SOCS5: variants seen among roughly 807,000 people sequenced by gnomAD.
The protein encoded by SOCS5 is suppressor of cytokine signaling 5.
SOCS5 carries 32 observed loss-of-function variants against 42.8 expected under a neutral mutation model. That is an observed-to-expected ratio of 0.75 (90% CI 0.56 to 1.01). The LOEUF (loss-of-function observed/expected upper bound fraction) is 1.01, where lower values mean the gene tolerates loss of function less well. SOCS5 is among the 50% of genes least tolerant of loss of function. The probability of loss-of-function intolerance (pLI) is 0.00; values close to 1 mark genes in which losing one functional copy is unlikely to be tolerated. For missense variants in SOCS5, 627 were observed against 653.0 expected (o/e 0.96, Z 0.43); for synonymous variants, 283 against 229.6 (o/e 1.23, Z -2.10).
chr2:46,707,159 G>A (rs192453428), intron 1 of SOCS5, among the ~76,000 whole-genome samples: 14 of 152,226 alleles, frequency 9.2e-5, no homozygotes, highest in African/African-American at 3.4e-4. Flanking sequence ...GGACAAATGT[G>A]GAGAAAGTTG....
intron 1 of SOCS5, among the ~76,000 whole-genome samples, chr2:46,753,229 T>G (rs572115047): frequency 8.7e-4 from 133 of 152,310 alleles, no homozygotes; most frequent in South Asian, 1.7e-3. Flanking sequence ...TCCTTCAGGA[T>G]AAAATTTTGA....
chr2:46,721,667 A>G (rs566742177), intron 1 of SOCS5, among the ~76,000 whole-genome samples: 2 of 152,328 alleles, frequency 1.3e-5, no homozygotes, highest in East Asian at 3.8e-4. Context: ...TGGTTAGTCT[A>G]CTAACTTTTA....
At chr2:46,700,342 C>G (rs1318966243) in intron 1 of SOCS5, among the ~76,000 whole-genome samples, 1 of 152,170 alleles carries the variant, frequency 6.6e-6, no homozygotes, top group Non-Finnish European at 1.5e-5. Context: ...GGTATTCTAT[C>G]AGTCACAAGT....
intron 1 of SOCS5, among the ~76,000 whole-genome samples, chr2:46,753,319 T>C (rs899909800): frequency 6.6e-6 from 1 of 152,222 alleles, no homozygotes; most frequent in African/African-American, 2.4e-5. Flanking sequence ...TTTAGGACTT[T>C]GTTACTTGCT....
intron 1 of SOCS5, among the ~76,000 whole-genome samples, chr2:46,713,820 G>A (rs1572831423): frequency 6.6e-6 from 1 of 151,932 alleles, no homozygotes; most frequent in East Asian, 1.9e-4. Context: ...GCATTCTTTA[G>A]CTGCATCCCA....
chr2:46,721,660 T>G (rs1354047287), intron 1 of SOCS5, among the ~76,000 whole-genome samples: 1 of 152,200 alleles, frequency 6.6e-6, no homozygotes, highest in Non-Finnish European at 1.5e-5. Flanking sequence ...AGTCATCTGG[T>G]TAGTCTACTA....
intron 1 of SOCS5, among the ~76,000 whole-genome samples, chr2:46,726,844 C>T (rs1673003463): frequency 1.3e-5 from 2 of 151,632 alleles, no homozygotes; most frequent in Non-Finnish European, 2.9e-5. Context: ...GTAACCTCTG[C>T]CTCCTGGGTT....
intron 1 of SOCS5, among the ~76,000 whole-genome samples, chr2:46,745,164 A>T (rs947850929): frequency 6.6e-6 from 1 of 152,106 alleles, no homozygotes; most frequent in African/African-American, 2.4e-5. Flanking sequence ...GTAGCACTAC[A>T]TCCTTATCAA....
chr2:46,713,285 G>T (rs1672668772), intron 1 of SOCS5, among the ~76,000 whole-genome samples: 2 of 152,210 alleles, frequency 1.3e-5, no homozygotes, highest in Non-Finnish European at 2.9e-5. Context: ...GAGCCTGGGA[G>T]GTTGAGGCTC....
chr2:46,745,103 T>G lies in SOCS5; in HGVS notation c.-12-13416T>G, dbSNP rs554864908. ...ATGCAAACTGTTTAATAGTAAGTCTTAATTCATTTCAGATTTCAGAGAATG... is the reference window on the plus strand; with the variant it reads ...ATGCAAACTGTTTAATAGTAAGTCTGAATTCATTTCAGATTTCAGAGAATG... On this transcript the variant is annotated intron_variant, in intron 1 of 1. Coordinates refer to ENST00000394861, the MANE Select transcript of SOCS5 (RefSeq NM_144949.3). Among the ~76,000 whole-genome samples the G allele has an allele frequency of 1.1e-4, 16 of 152,238 alleles. 1 individual carries two copies. The highest frequency in any genetic ancestry group is 3.3e-4 in the Admixed American group (5 of 15,288).
intron 1 of SOCS5, among the ~76,000 whole-genome samples, chr2:46,753,762 G>A (rs1387492455): frequency 1.3e-5 from 2 of 152,130 alleles, no homozygotes; most frequent in Non-Finnish European, 2.9e-5. Context: ...CGGGAAAGGG[G>A]TGGGCAATTC....
At chr2:46,755,967 A>G (rs1673722792) in intron 1 of SOCS5, among the ~76,000 whole-genome samples, 1 of 152,152 alleles carries the variant, frequency 6.6e-6, no homozygotes, top group Admixed American at 6.6e-5. Flanking sequence ...CCATGGAGTA[A>G]GATGCAGTCT....
intron 1 of SOCS5, among the ~76,000 whole-genome samples, chr2:46,715,674 C>A (rs2103703916): frequency 6.6e-6 from 1 of 152,168 alleles, no homozygotes; most frequent in East Asian, 1.9e-4. Context: ...TGTTGTAATT[C>A]TTGTATTTGT....
At chr2:46,701,658 G>A (rs754189154) in intron 1 of SOCS5, among the ~76,000 whole-genome samples, 2 of 151,406 alleles carry the variant, frequency 1.3e-5, no homozygotes, top group Admixed American at 6.6e-5. Context: ...ATGAAATTTT[G>A]TAAAACTGGG....
intron 1 of SOCS5, among the ~76,000 whole-genome samples, chr2:46,746,922 C>CTTTTTTTT (rs11373537): frequency 0.019 from 1,357 of 70,582 alleles, no homozygotes; most frequent in East Asian, 0.028. Context: ...GACTTTATTT[C>CTTTTTTTT]TTTTTTTTTT....
chr2:46,757,751 C>T (rs1309457606), intron 1 of SOCS5, among the ~76,000 whole-genome samples: 1 of 152,168 alleles, frequency 6.6e-6, no homozygotes, highest in Non-Finnish European at 1.5e-5. Context: ...CCTGTAATCC[C>T]AGCTACTCAG....
chr2:46,724,089 G>C (rs1241360813), intron 1 of SOCS5, among the ~76,000 whole-genome samples: 1 of 151,820 alleles, frequency 6.6e-6, no homozygotes, highest in Non-Finnish European at 1.5e-5. Context: ...ATTGACTTTT[G>C]TGTGTTGACC....
rs141347348 is a variant in SOCS5 at position 46,758,866 on chromosome 2, T to C, written c.336T>C (p.Asp112=). The change falls in exon 2 of 2, where the codon GAT becomes GAC. Residue 112 remains aspartate (D), a synonymous_variant. Coordinates refer to ENST00000394861, the MANE Select transcript of SOCS5 (RefSeq NM_144949.3). ...CAGGAACAAGACTTGCACGAAGAGA[T>C]TCCTACTCTCGACATGCTCCATGGG... ...VTPGTRLARR[D]SYSRHAPWGG... The C allele has an allele frequency of 9.9e-5, 159 of 1,614,062 alleles. 1 individual carries two copies. The African/African-American group carries it at 1.8e-3, about 19-fold the overall frequency.
chr2:46,711,697 A>C (rs1186478150), intron 1 of SOCS5, among the ~76,000 whole-genome samples: 1 of 152,176 alleles, frequency 6.6e-6, no homozygotes, highest in African/African-American at 2.4e-5. Context: ...CCACCCCCAC[A>C]GTTGTGAAGA....
Sources: allele counts gnomAD v4.1 joint callset (sites outside exome capture counted in the v4.1 genomes callset), GRCh38; gene constraint gnomAD v4.1.1; transcripts MANE v1.5; gene names NCBI Gene and HGNC (gene_info 2026-07-23, HGNC 2026-07-21).